DPP10: variants seen among roughly 807,000 people sequenced by gnomAD.
DPP10 encodes dipeptidyl peptidase like 10, also known as inactive dipeptidyl peptidase 10.
A neutral mutation model predicts 120.9 loss-of-function variants in DPP10; 33 were observed. The observed-to-expected ratio is 0.27, with a 90% confidence interval of 0.21 to 0.37. The LOEUF (loss-of-function observed/expected upper bound fraction) is 0.37, where lower values mean the gene tolerates loss of function less well. Ranked by LOEUF, DPP10 falls within the 10% of genes least tolerant of loss-of-function variation. The pLI is 1.00. For synonymous variants in DPP10, 337 were observed against 326.1 expected, an observed-to-expected ratio of 1.03 and a Z score of -0.36; for missense variants, 816 against 942.8, an observed-to-expected ratio of 0.87 and a Z score of 1.76.
At chr2:115,169,399 ATATG>A (rs1169944286) in intron 1 of DPP10, among the ~76,000 whole-genome samples, 4 of 152,116 alleles carry the variant, frequency 2.6e-5, no homozygotes, top group African/African-American at 4.8e-5. Context: ...AAAATGCTGA[ATATG>A]TGTGTGTACA....
At chr2:115,763,155 T>C (rs1680313157) in intron 12 of DPP10, among the ~76,000 whole-genome samples, 1 of 152,202 alleles carries the variant, frequency 6.6e-6, no homozygotes. Context: ...TATTTAAATA[T>C]AGCTGAATTC....
intron 1 of DPP10, among the ~76,000 whole-genome samples, chr2:114,686,605 G>C (rs1456097987): frequency 2.6e-5 from 4 of 151,864 alleles, no homozygotes; most frequent in African/African-American, 9.7e-5. Context: ...AAAACTAGGG[G>C]CAATGACTCT....
At chr2:115,279,976 C>T (rs1422376607) in intron 1 of DPP10, among the ~76,000 whole-genome samples, 1 of 152,100 alleles carries the variant, frequency 6.6e-6, no homozygotes, top group African/African-American at 2.4e-5. Context: ...TTATGATACT[C>T]ACTTTTTTCT....
chr2:114,723,007 G>A (rs1264320062), intron 1 of DPP10, among the ~76,000 whole-genome samples: 2 of 152,022 alleles, frequency 1.3e-5, no homozygotes, highest in Admixed American at 1.3e-4. Context: ...TCAGACATGG[G>A]GCACTTAAGC....
In DPP10 at chr2:115,083,042, G is replaced by A. The variant is rs141840459; in HGVS notation, c.61-226197G>A. On this transcript the variant is annotated intron_variant, in intron 1 of 25. Transcript: ENST00000410059. ...CAGTATCTGACAGTATTGATTATTC[G>A]TAAACAATCTATACTCTTTTAGTGT... 8.2e-4 allele frequency among the ~76,000 whole-genome samples: 124 copies of A among 152,130 alleles called. 1 individual carries two copies. Among genetic ancestry groups the A allele is most frequent in the African/African-American group, 2.9e-3 (120 of 41,498 alleles).
intron 10 of DPP10, among the ~76,000 whole-genome samples, chr2:115,746,772 G>A (rs1678035419): frequency 6.6e-6 from 1 of 152,058 alleles, no homozygotes; most frequent in African/African-American, 2.4e-5. Context: ...ATAATCATGT[G>A]TATTTTGAAA....
chr2:114,570,881 A>G (rs932524797), intron 1 of DPP10, among the ~76,000 whole-genome samples: 6 of 150,958 alleles, frequency 4.0e-5, no homozygotes, highest in Non-Finnish European at 7.4e-5. Flanking sequence ...TGAAGGAATT[A>G]GAGATGTTTA....
chr2:115,434,684 G>T (rs964380173), intron 3 of DPP10, among the ~76,000 whole-genome samples: 2 of 151,658 alleles, frequency 1.3e-5, no homozygotes, highest in Non-Finnish European at 2.9e-5. Flanking sequence ...TTGGTGTTGG[G>T]AACGTTTCAG....
At chr2:115,802,837 T>A (rs7559645) in intron 19 of DPP10, among the ~76,000 whole-genome samples, 4,984 of 152,096 alleles carry the variant, frequency 0.033, 277 homozygotes, top group African/African-American at 0.11. Context: ...TGCTGAAGAG[T>A]GCTTTACTTC....
intron 1 of DPP10, among the ~76,000 whole-genome samples, chr2:115,121,144 A>G (rs1052988853): frequency 6.6e-6 from 1 of 152,230 alleles, no homozygotes; most frequent in African/African-American, 2.4e-5. Context: ...TAGGGCTACT[A>G]GAGGGAAAGA....
At chr2:114,877,500 T>C (rs1047328839) in intron 1 of DPP10, among the ~76,000 whole-genome samples, 6 of 152,016 alleles carry the variant, frequency 3.9e-5, no homozygotes, top group African/African-American at 9.7e-5. Flanking sequence ...CATAGTGACA[T>C]TGAACTCACT....
At chr2:115,610,107 GC>G (rs1211192850) in intron 5 of DPP10, among the ~76,000 whole-genome samples, 1 of 152,062 alleles carries the variant, frequency 6.6e-6, no homozygotes, top group Non-Finnish European at 1.5e-5. Flanking sequence ...AGGTTAGGAT[GC>G]CAGCCAAGCC....
chr2:115,750,232 T>C, intron 10 of DPP10: 1 of 981,856 alleles, frequency 1.0e-6, no homozygotes, highest in Non-Finnish European at 1.2e-6. Flanking sequence ...AGAGACAGCC[T>C]GAATACTTAT....
chr2:115,220,766 A>C (rs1441611417), intron 1 of DPP10, among the ~76,000 whole-genome samples: 1 of 152,168 alleles, frequency 6.6e-6, no homozygotes, highest in East Asian at 1.9e-4. Flanking sequence ...ATGATTCTTG[A>C]GAAGTTCAAA....
intron 5 of DPP10, among the ~76,000 whole-genome samples, chr2:115,684,917 G>A (rs911024207): frequency 6.6e-6 from 1 of 151,870 alleles, no homozygotes; most frequent in African/African-American, 2.4e-5. Context: ...TCTTTGAATA[G>A]TGGCTTAATT....
chr2:114,603,949 C>T (rs1411004212), intron 1 of DPP10, among the ~76,000 whole-genome samples: 4 of 152,000 alleles, frequency 2.6e-5, no homozygotes, highest in African/African-American at 9.7e-5. Flanking sequence ...ATATAGAAAG[C>T]AGAATTAACA....
chr2:115,505,852 A>G (rs1476470324), intron 4 of DPP10, among the ~76,000 whole-genome samples: 5 of 152,148 alleles, frequency 3.3e-5, no homozygotes, highest in African/African-American at 1.2e-4. Flanking sequence ...TACTACAAAA[A>G]GATGGGTATG....
chr2:115,195,452 C>T (rs550462846), intron 1 of DPP10, among the ~76,000 whole-genome samples: 1 of 152,228 alleles, frequency 6.6e-6, no homozygotes, highest in African/African-American at 2.4e-5. Flanking sequence ...GATAGTAATA[C>T]CTTGAGCTTG....
intron 4 of DPP10, among the ~76,000 whole-genome samples, chr2:115,500,624 C>G (rs2076636356): frequency 6.6e-6 from 1 of 151,870 alleles, no homozygotes; most frequent in South Asian, 2.1e-4. Flanking sequence ...AACCAGCCAA[C>G]TAATGTACAT....
Sources: gnomAD v4.1 joint callset for allele counts (sites outside exome capture counted in the v4.1 genomes callset) on GRCh38, gnomAD v4.1.1 for gene constraint, MANE v1.5 for transcripts, NCBI Gene and HGNC (gene_info 2026-07-23, HGNC 2026-07-21) for gene names.